The following SDK1 variants were observed in gnomAD, a reference collection of about 807,000 sequenced individuals.
SDK1 encodes the protein protein sidekick-1.
SDK1 carries 157 observed loss-of-function variants against 245.5 expected under a neutral mutation model. That is an observed-to-expected ratio of 0.64 (90% CI 0.56 to 0.73). The LOEUF (loss-of-function observed/expected upper bound fraction) is 0.73. Among genes scored for constraint, SDK1 ranks in the 30% least tolerant of loss-of-function variants. SDK1 has a pLI of 0.00. For missense variants in SDK1, 3,583 were observed against 3,002.3 expected, an observed-to-expected ratio of 1.19 and a Z score of -4.52; for synonymous variants, 1,647 against 1,278.5, an observed-to-expected ratio of 1.29 and a Z score of -6.15.
chr7:3,779,456 T>C (rs1015537015), intron 4 of SDK1, among the ~76,000 whole-genome samples: 1 of 151,782 alleles, frequency 6.6e-6, no homozygotes, highest in South Asian at 2.1e-4. Flanking sequence ...AACCTATTTT[T>C]TTTAAAAAAA....
At chr7:4,072,002 C>T (rs912290450) in intron 20 of SDK1, among the ~76,000 whole-genome samples, 1 of 152,216 alleles carries the variant, frequency 6.6e-6, no homozygotes, top group Non-Finnish European at 1.5e-5. Flanking sequence ...GAAAAAAATC[C>T]ATGGGCATAA....
At chr7:4,123,563 T>C (rs1488869367) in intron 25 of SDK1, among the ~76,000 whole-genome samples, 2 of 152,172 alleles carry the variant, frequency 1.3e-5, no homozygotes, top group Admixed American at 6.5e-5. Flanking sequence ...GCCCCCTTCC[T>C]CTTTGGAGAA....
chr7:4,220,838 C>G (rs1468026501), intron 39 of SDK1, among the ~76,000 whole-genome samples: 2 of 151,982 alleles, frequency 1.3e-5, no homozygotes, highest in African/African-American at 4.8e-5. Context: ...GCAGCATGAT[C>G]ATAGCTCACT....
At chr7:3,776,902 A>T (rs943672052) in intron 4 of SDK1, among the ~76,000 whole-genome samples, 1 of 152,170 alleles carries the variant, frequency 6.6e-6, no homozygotes, top group African/African-American at 2.4e-5. Context: ...CCATGGTAAC[A>T]TGCAGAGAAC....
intron 4 of SDK1, among the ~76,000 whole-genome samples, chr7:3,675,457 C>T (rs1783862673): frequency 6.6e-6 from 1 of 152,110 alleles, no homozygotes; most frequent in Non-Finnish European, 1.5e-5. Context: ...CAGAAATTTC[C>T]AGTTTCCTGT....
intron 4 of SDK1, among the ~76,000 whole-genome samples, chr7:3,803,700 G>A (rs182368794): frequency 6.8e-5 from 10 of 146,900 alleles, no homozygotes; most frequent in African/African-American, 2.5e-4. Context: ...TATCAAATTT[G>A]TGTTTTGCAG....
At chr7:3,974,916 G>T (rs1391285838) in intron 13 of SDK1, among the ~76,000 whole-genome samples, 1 of 152,186 alleles carries the variant, frequency 6.6e-6, no homozygotes, top group Non-Finnish European at 1.5e-5. Context: ...CATGAGAGAT[G>T]CTGGAGTGGG....
chr7:3,453,135 C>G (rs958494411), intron 1 of SDK1, among the ~76,000 whole-genome samples: 1 of 152,302 alleles, frequency 6.6e-6, no homozygotes, highest in South Asian at 2.1e-4. Context: ...GTTTAACCCC[C>G]CCCGGTTTTC....
chr7:3,956,134 G>A (rs930612564), intron 7 of SDK1, among the ~76,000 whole-genome samples: 2 of 152,226 alleles, frequency 1.3e-5, no homozygotes, highest in African/African-American at 2.4e-5. Context: ...CAGAAGTCCA[G>A]GGTGGACCCA....
chr7:3,555,958 A>T (rs554702082), intron 1 of SDK1, among the ~76,000 whole-genome samples: 1 of 152,182 alleles, frequency 6.6e-6, no homozygotes, highest in Non-Finnish European at 1.5e-5. Flanking sequence ...ATCCTCATAC[A>T]CTATCGGTGG....
chr7:3,330,446 G>A (rs529578670), intron 1 of SDK1, among the ~76,000 whole-genome samples: 4 of 152,146 alleles, frequency 2.6e-5, no homozygotes, highest in Admixed American at 2.6e-4. Flanking sequence ...GCCTGTGGGA[G>A]GTAATTAGGA....
At chr7:4,197,123 A>C (rs866611798) in intron 35 of SDK1, among the ~76,000 whole-genome samples, 1 of 152,176 alleles carries the variant, frequency 6.6e-6, no homozygotes, top group African/African-American at 2.4e-5. Context: ...AGCAGCGAGG[A>C]GACCCAGGCT....
At chr7:3,622,712 G>C (rs1781981848) in intron 2 of SDK1, among the ~76,000 whole-genome samples, 1 of 152,158 alleles carries the variant, frequency 6.6e-6, no homozygotes, top group Non-Finnish European at 1.5e-5. Context: ...CAAGATTGAG[G>C]GAGTGACTCG....
chr7:3,639,106 C>T lies in SDK1; in HGVS notation c.561C>T (p.Val187=), dbSNP rs369937179. The T allele has an allele frequency of 6.9e-5, 109 of 1,583,894 alleles. No homozygotes were observed. Among genetic ancestry groups the T allele is most frequent in the East Asian group, 6.7e-4 (30 of 44,504 alleles). Residue 187 remains valine (V), a synonymous_variant, in exon 3 of 45, where the codon GTC becomes GTT. Transcript: ENST00000404826. ...ALLQRKSEVQ[V]AYMGSFMDTD... is the part of the protein sequence containing the mutation. ...TGCAAAGAAAATCAGAAGTTCAAGT[C>T]GCATGTATGTGTACAGTAAGGAGAT...
intron 4 of SDK1, among the ~76,000 whole-genome samples, chr7:3,795,690 G>T (rs1778945336): frequency 6.6e-6 from 1 of 152,064 alleles, no homozygotes; most frequent in African/African-American, 2.4e-5. Flanking sequence ...TTAGATTGAG[G>T]ACAGATACCT....
intron 1 of SDK1, among the ~76,000 whole-genome samples, chr7:3,498,338 G>T (rs953085539): frequency 6.6e-6 from 1 of 152,146 alleles, no homozygotes; most frequent in Non-Finnish European, 1.5e-5. Context: ...AAAAAGTTTA[G>T]AAACTTTTAG....
chr7:3,793,665 C>G (rs1259188020), intron 4 of SDK1, among the ~76,000 whole-genome samples: 1 of 152,174 alleles, frequency 6.6e-6, no homozygotes, highest in Non-Finnish European at 1.5e-5. Context: ...TCTTTCTAAA[C>G]CTTCCACTCC....
chr7:3,467,436 T>TA (rs1433315216), intron 1 of SDK1, among the ~76,000 whole-genome samples: 1 of 152,100 alleles, frequency 6.6e-6, no homozygotes, highest in South Asian at 2.1e-4. Context: ...AGTATAAAAA[T>TA]AAAAAATATA....
intron 44 of SDK1, among the ~76,000 whole-genome samples, chr7:4,251,419 A>G (rs1294187115): frequency 1.3e-5 from 2 of 152,228 alleles, no homozygotes; most frequent in Admixed American, 1.3e-4. Flanking sequence ...GGCACACAGA[A>G]CACACTTAGT....
Sources: allele counts gnomAD v4.1 joint callset (sites outside exome capture counted in the v4.1 genomes callset), GRCh38; gene constraint gnomAD v4.1.1; transcripts MANE v1.5; gene names NCBI Gene and HGNC (gene_info 2026-07-23, HGNC 2026-07-21).